ALLC: variants seen among roughly 807,000 people sequenced by gnomAD.
ALLC encodes the protein allantoicase, also known as probable inactive allantoicase.
Under a neutral mutation model 45.0 loss-of-function variants are expected in ALLC, and 40 were observed. That is an observed-to-expected ratio of 0.89 (90% confidence interval 0.69 to 1.16). The LOEUF (loss-of-function observed/expected upper bound fraction) is 1.16, where lower values mean the gene tolerates loss of function less well. Ranked by LOEUF, ALLC falls within the 50% of genes most tolerant of loss-of-function variation. The pLI is 0.00. For missense variants in ALLC, 488 were observed against 493.1 expected, an observed-to-expected ratio of 0.99 and a Z score of 0.10; for synonymous variants, 176 against 178.1, an observed-to-expected ratio of 0.99 and a Z score of 0.09.
chr2:3,674,531 TGGC>T (rs930710658), intron 3 of ALLC, among the ~76,000 whole-genome samples: 8 of 152,166 alleles, frequency 5.3e-5, no homozygotes, highest in African/African-American at 1.9e-4. Flanking sequence ...AGGGAAGAAA[TGGC>T]GGCCCTGCTG....
chr2:3,696,066 A>AAAGGCCTAC (rs1208025827), intron 8 of ALLC, among the ~76,000 whole-genome samples, 194 bp downstream of exon 8: 2 of 152,318 alleles, frequency 1.3e-5, no homozygotes, highest in East Asian at 3.9e-4. Flanking sequence ...TTTCTACCTA[A>AAAGGCCTAC]TTTTGGCCTA....
chr2:3,662,101 C>G (rs1321512773), intron 1 of ALLC, among the ~76,000 whole-genome samples: 1 of 152,200 alleles, frequency 6.6e-6, no homozygotes, highest in Non-Finnish European at 1.5e-5. Context: ...AAGCCTGATT[C>G]AAAGTCACAC....
chr2:3,647,991 C>A, the ALLC span, among the ~76,000 whole-genome samples: 1 of 152,156 alleles, frequency 6.6e-6, no homozygotes, highest in Admixed American at 6.5e-5. Context: ...GAGTTACAGG[C>A]AGGAGAGGAG....
rs189653536 is a variant in ALLC at position 3,680,046 on chromosome 2, C to T, written c.298+52C>T. On this transcript the variant is annotated intron_variant, in intron 5 of 11. Transcript: ENST00000252505. This position sits in a 1 kb window ranked among gnomAD's most constrained non-coding sequence, Gnocchi z 4.0. ...ATGAGAATTATGGGTCACATGGCTCCTCTGGCCAGCCACAGCCCCACAACT... is the reference window on the plus strand; with the variant it reads ...ATGAGAATTATGGGTCACATGGCTCTTCTGGCCAGCCACAGCCCCACAACT... The T allele has an allele frequency of 9.8e-5, 158 of 1,607,704 alleles. No homozygotes were observed. The African/African-American group carries it at 1.8e-3, about 18-fold the overall frequency.
At chr2:3,690,191 GT>G (rs1280440529) in intron 7 of ALLC, among the ~76,000 whole-genome samples, 3 of 139,950 alleles carry the variant, frequency 2.1e-5, no homozygotes, top group African/African-American at 7.8e-5. Context: ...TTTACATTCA[GT>G]ATTGTCATCA....
At chr2:3,655,236 A>T (rs1666414584), upstream of ALLC, among the ~76,000 whole-genome samples, 1 of 152,252 alleles carries the variant, frequency 6.6e-6, no homozygotes, top group African/African-American at 2.4e-5. Context: ...TCACCTGGAA[A>T]GTGACACCCA....
intron 7 of ALLC, chr2:3,694,817 A>G (rs1454462314): frequency 6.6e-6 from 1 of 152,232 alleles, no homozygotes; most frequent in African/African-American, 2.4e-5. Context: ...TTAGTACAAT[A>G]TTTTGATTAA....
At position 3,693,363 on chromosome 2, in the gene ALLC, C is replaced by T. The variant is rs376366282; in HGVS notation, c.512-2354C>T. Among the ~76,000 whole-genome samples the T allele has an allele frequency of 1.3e-4, 20 of 152,274 alleles. No homozygotes were observed. In the East Asian group the frequency reaches 2.5e-3, roughly 19 times the overall value. On this transcript the variant is annotated intron_variant, in intron 7 of 11. Coordinates refer to ENST00000252505, the MANE Select transcript of ALLC (RefSeq NM_018436.4). ...ACATGAAAATGGAAAGATCTAAACA[C>T]GTTTACTAATATTAATTACTCACTG... is the stretch of plus-strand genomic sequence containing the variant.
intron 1 of ALLC, among the ~76,000 whole-genome samples, chr2:3,664,580 G>T (rs373237901): frequency 4.6e-5 from 7 of 152,140 alleles, no homozygotes; most frequent in African/African-American, 1.7e-4. Flanking sequence ...ATTCATTTCT[G>T]CCAATTAAGG....
intron 1 of ALLC, among the ~76,000 whole-genome samples, chr2:3,665,469 C>T (rs950249998): frequency 2.6e-5 from 4 of 152,142 alleles, no homozygotes; most frequent in African/African-American, 9.7e-5. Flanking sequence ...TCCTCCTCCC[C>T]CCACCCCCGA....
the ALLC span, among the ~76,000 whole-genome samples, chr2:3,650,505 G>A: frequency 2.0e-5 from 3 of 152,320 alleles, no homozygotes; most frequent in Non-Finnish European, 2.9e-5. Context: ...CTGGGCAAGC[G>A]GGCAGCTGCA....
At chr2:3,701,348 G>A (rs116541927) in intron 10 of ALLC, among the ~76,000 whole-genome samples, 164 bp from the exon 11 acceptor site, 3,815 of 152,228 alleles carry the variant, frequency 0.025, 156 homozygotes, top group African/African-American at 0.081. Flanking sequence ...CTCACAAACC[G>A]GTTTGTTCCT....
intron 1 of ALLC, among the ~76,000 whole-genome samples, chr2:3,658,948 C>T (rs1402172419): frequency 6.6e-6 from 1 of 150,782 alleles, no homozygotes; most frequent in Non-Finnish European, 1.5e-5. Context: ...ACAAGAGTCA[C>T]AAAGTAGAAC....
At chr2:3,674,619 T>A (rs1015411788) in intron 3 of ALLC, among the ~76,000 whole-genome samples, 1 of 152,152 alleles carries the variant, frequency 6.6e-6, no homozygotes, top group African/African-American at 2.4e-5. Flanking sequence ...CAGGTGCACA[T>A]TGAGCTAATG....
chr2:3,701,916 A>C (rs1248293755), intron 11 of ALLC, among the ~76,000 whole-genome samples: 1 of 152,216 alleles, frequency 6.6e-6, no homozygotes, highest in Non-Finnish European at 1.5e-5. Flanking sequence ...GGCGACTAGC[A>C]CATTTAAAGC....
chr2:3,647,568 T>TGGGGGTCACTCACCCGTCC, the ALLC span, among the ~76,000 whole-genome samples: 9 of 32,072 alleles, frequency 2.8e-4, no homozygotes, highest in African/African-American at 7.1e-4. Context: ...CTCACCCATC[T>TGGGGGTCACTCACCCGTCC]TCTCCTGATG....
chr2:3,697,237 A>G (rs1484685839), intron 9 of ALLC, 111 bp from the exon 10 acceptor site: 11 of 756,384 alleles, frequency 1.5e-5, no homozygotes, highest in South Asian at 3.5e-5. Context: ...ACACTCTTCT[A>G]TAGTAAGAAA....
At chr2:3,699,380 A>G (rs1168310911) in intron 10 of ALLC, among the ~76,000 whole-genome samples, 1 of 152,204 alleles carries the variant, frequency 6.6e-6, no homozygotes, top group African/African-American at 2.4e-5. Flanking sequence ...TATATGTATC[A>G]TATTTTCTTT....
chr2:3,689,378 G>T (rs958114212), intron 7 of ALLC, among the ~76,000 whole-genome samples: 2 of 150,650 alleles, frequency 1.3e-5, no homozygotes, highest in Admixed American at 6.6e-5. Context: ...TACTGCCTTT[G>T]TTGTATCCCA....
Sources: gnomAD v4.1 joint callset for allele counts (sites outside exome capture counted in the v4.1 genomes callset) on GRCh38, gnomAD v4.1.1 for gene constraint, Gnocchi (gnomAD v3.1) non-coding constraint, MANE v1.5 for transcripts, NCBI Gene and HGNC (gene_info 2026-07-23, HGNC 2026-07-21) for gene names.